The following AXIN2 variants were observed in gnomAD, a reference collection of about 807,000 sequenced individuals.
AXIN2 encodes the protein axin-2.
A neutral mutation model predicts 74.7 loss-of-function variants in AXIN2; 21 were observed. The observed-to-expected ratio is 0.28, with a 90% confidence interval of 0.20 to 0.40. The LOEUF (loss-of-function observed/expected upper bound fraction) is 0.40. Ranked by LOEUF, AXIN2 falls within the 10% of genes least tolerant of loss-of-function variation. The pLI is 1.00. For missense variants in AXIN2, 1,144 were observed against 1,111.1 expected, an observed-to-expected ratio of 1.03 and a Z score of -0.42; for synonymous variants, 532 against 454.9, an observed-to-expected ratio of 1.17 and a Z score of -2.16.
At chr17:65,537,148 G>C (rs1278127566) in intron 6 of AXIN2, 85 bp from the exon 7 acceptor site, 2 of 1,561,410 alleles carry the variant, frequency 1.3e-6, no homozygotes, top group Non-Finnish European at 1.7e-6. Context: ...AGCAAGTCGG[G>C]GGGCTGGTGA....
rs781296066 is a variant in AXIN2 at position 65,536,858 on chromosome 17, G to T, written c.1907+11C>A. 1 of 1,612,776 alleles carries T rather than the reference G, an allele frequency of 6.2e-7. No individual in the cohort carries two copies. Among genetic ancestry groups the T allele is most frequent in the Non-Finnish European group, 8.5e-7 (1 of 1,179,902 alleles). On this transcript the variant is annotated intron_variant, in intron 7 of 10. Coordinates refer to ENST00000307078, the MANE Select transcript of AXIN2 (RefSeq NM_004655.4). ...ACCCTCGCGGCCGCGGCGGCGGCAAGCGGTGTTTACCTATGGGGCTTGGGC... is the reference window on the plus strand; with the variant it reads ...ACCCTCGCGGCCGCGGCGGCGGCAATCGGTGTTTACCTATGGGGCTTGGGC...
chr17:65,549,374 T>C (rs2044159249), intron 3 of AXIN2, 146 bp downstream of exon 3: 1 of 983,024 alleles, frequency 1.0e-6, no homozygotes, highest in Non-Finnish European at 1.6e-6. Context: ...CATACCCTTG[T>C]CATACTCCCC....
In AXIN2 at chr17:65,537,608, C is replaced by G. The variant is rs1285545891; in HGVS notation, c.1428G>C (p.Gln476His). ...SPDHHHHHHS[Q>H]YHSLLPPGGK... ...CACCGGGCGGGAGCAGGGAGTGGTA[C>G]TGCGAATGGTGGTGGTGGTGGTGGT... Residue 476 changes from glutamine to histidine, a missense_variant, in exon 6 of 11, where the codon CAG becomes CAC. Physicochemically the swap from Gln to His is conservative, Grantham distance 24. Around this residue, in one of 4 missense-constraint regions of AXIN2, gnomAD observed 1,053 missense variants for 973.5 expected, o/e 1.08. Transcript: ENST00000307078. The G allele has an allele frequency of 6.2e-7, 1 of 1,601,160 alleles. No individual in the cohort carries two copies. Among genetic ancestry groups the G allele is most frequent in the South Asian group, 1.1e-5 (1 of 90,476 alleles).
At chr17:65,541,612 T>C in intron 3 of AXIN2, 55 bp from the exon 4 acceptor site, 9 of 1,415,642 alleles carry the variant, frequency 6.4e-6, no homozygotes, top group Middle Eastern at 3.5e-4. Context: ...TTTCAGCACA[T>C]CACATGGGCT....
intron 3 of AXIN2, among the ~76,000 whole-genome samples, chr17:65,542,030 G>A (rs1567759752): frequency 6.6e-6 from 1 of 152,084 alleles, no homozygotes; most frequent in African/African-American, 2.4e-5. Context: ...ACCTACAGAG[G>A]GCTAAATCAG....
At chr17:65,536,692 G>A (rs959512418) in intron 7 of AXIN2, 139 bp from the exon 8 acceptor site, 17 of 1,368,216 alleles carry the variant, frequency 1.2e-5, no homozygotes, top group South Asian at 6.0e-5. Flanking sequence ...ATGAACAGGG[G>A]TCAGTGCCAA....
intron 3 of AXIN2, among the ~76,000 whole-genome samples, chr17:65,548,973 G>A (rs1398438855): frequency 3.3e-5 from 5 of 152,114 alleles, no homozygotes; most frequent in East Asian, 1.9e-4. Flanking sequence ...CTGAATAAAC[G>A]ATGTCCATTT....
intron 1 of AXIN2, chr17:65,560,597 C>T (rs958392303): frequency 3.9e-5 from 6 of 152,134 alleles, no homozygotes; most frequent in African/African-American, 1.4e-4. Context: ...GGATAAGTCT[C>T]CTCTCTGGGC....
chr17:65,533,819 CTAGGTCTG>C, intron 10 of AXIN2, 85 bp downstream of exon 10: 1 of 1,276,864 alleles, frequency 7.8e-7, no homozygotes, highest in Non-Finnish European at 1.1e-6. Flanking sequence ...CCTGCCCCAC[CTAGGTCTG>C]CTCAGCCAGG....
At chr17:65,559,228 G>C (rs963748754) in intron 1 of AXIN2, among the ~76,000 whole-genome samples, 29 of 151,946 alleles carry the variant, frequency 1.9e-4, no homozygotes, top group African/African-American at 6.5e-4. Context: ...CAGATAACTC[G>C]AGCTCCAAAC....
intron 3 of AXIN2, among the ~76,000 whole-genome samples, chr17:65,546,621 C>G (rs190254399): frequency 1.1e-4 from 17 of 152,272 alleles, no homozygotes. Context: ...GAGACAGTGA[C>G]CCCACATGGA....
Position 65,528,701 on chromosome 17 carries a change from A to AT in AXIN2, c.*1274dup. ...AGAACAAAATGTCATGACAAAAGTC[A>AT]TTGAGTACAAGACTTGTAATAAAAA... On this transcript the variant is annotated 3_prime_UTR_variant, in exon 11 of 11. Coordinates refer to ENST00000307078, the MANE Select transcript of AXIN2 (RefSeq NM_004655.4). 2.0e-6 allele frequency: 1 copy of AT among 512,158 alleles called. No individual in the cohort carries two copies. Among genetic ancestry groups the AT allele is most frequent in the East Asian group, 4.0e-5 (1 of 25,214 alleles). The allele number at this position is 512,158 out of a possible 1,614,324, so 31.7% of individuals were successfully genotyped here. A position where few individuals can be genotyped will look rare whatever the true frequency, so the allele number is the denominator to read the frequency against.
At chr17:65,549,783 G>A in intron 2 of AXIN2, 123 bp from the exon 3 acceptor site, 16 of 1,284,504 alleles carry the variant, frequency 1.2e-5, no homozygotes, top group Non-Finnish European at 1.7e-5. Context: ...CTGCTGCCCA[G>A]GTCCAGTTGC....
At position 65,537,710 on chromosome 17, in the gene AXIN2, G is replaced by A. The variant is rs1555577987; in HGVS notation, c.1326C>T (p.His442=). Reference sequence around the variant, plus strand: ...CAGGGGTCTTGAGGACCCTGGACAGGTGATCGTCCAGTATCGTCTGCGGGT... The same window carrying A: ...CAGGGGTCTTGAGGACCCTGGACAGATGATCGTCCAGTATCGTCTGCGGGT... The part of the protein sequence containing the change: ...EEDPQTILDD[H]LSRVLKTPGC... The change falls in exon 6 of 11, where the codon CAC becomes CAT. Residue 442 remains histidine (H), a synonymous_variant. Coordinates refer to ENST00000307078, the MANE Select transcript of AXIN2 (RefSeq NM_004655.4). 3.2e-6 allele frequency: 5 copies of A among 1,559,592 alleles called. No individual in the cohort carries two copies. The highest frequency in any genetic ancestry group is 4.3e-6 in the Non-Finnish European group (5 of 1,152,148).
At position 65,537,843 on chromosome 17, in the gene AXIN2, G is replaced by T. The variant is rs1555578172; in HGVS notation, c.1201-8C>A. The T allele has an allele frequency of 1.3e-6, 2 of 1,542,186 alleles. No individual in the cohort carries two copies. The highest frequency in any genetic ancestry group is 1.7e-6 in the Non-Finnish European group (2 of 1,144,610). On this transcript the variant is annotated splice_region_variant and splice_polypyrimidine_tract_variant and intron_variant, in intron 5 of 10. Transcript: ENST00000307078. ...GCCCTCTCTCTCTTCATCCTGAAAGGGAAGACGTCAGAAGGAGAAGTGACC... is the reference window on the plus strand; with the variant it reads ...GCCCTCTCTCTCTTCATCCTGAAAGTGAAGACGTCAGAAGGAGAAGTGACC...
chr17:65,529,820 C>CG lies in AXIN2; in HGVS notation c.*155dup. 1 of 1,215,338 alleles carries CG rather than the reference C, an allele frequency of 8.2e-7. No individual in the cohort carries two copies. The highest frequency in any genetic ancestry group is 1.5e-5 in the African/African-American group (1 of 66,550). The allele number at this position is 1,215,338 out of a possible 1,614,324, so 75.3% of individuals were successfully genotyped here. On this transcript the variant is annotated 3_prime_UTR_variant, in exon 11 of 11. Coordinates refer to ENST00000307078, the MANE Select transcript of AXIN2 (RefSeq NM_004655.4). Reference sequence around the variant, plus strand: ...TGAATCATGAAAATCAACCTCCCCCCGCCCTCCCGAAGGCCCACTGGCCGA... The same window carrying CG: ...TGAATCATGAAAATCAACCTCCCCCCGGCCCTCCCGAAGGCCCACTGGCCGA...
At position 65,558,331 on chromosome 17, in the gene AXIN2, G is replaced by A. The variant is rs1555583566; in HGVS notation, c.290C>T (p.Thr97Ile). Reference protein sequence around the residue: ...GDQDGAYLFRTFLEREKCVDT... With the variant: ...GDQDGAYLFRIFLEREKCVDT... ...CACGCATTTCTCCCTCTCCAGGAAA[G>A]TTCGGAACAGGTAAGCACCGTCTTG... The change falls in exon 2 of 11, where the codon ACT becomes ATT. Residue 97 changes from threonine (T) to isoleucine (I), a missense_variant. Transcript: ENST00000307078. 1 of 1,614,198 alleles carries A rather than the reference G, an allele frequency of 6.2e-7. No homozygotes were observed. Among genetic ancestry groups the A allele is most frequent in the Non-Finnish European group, 8.5e-7 (1 of 1,180,040 alleles).
chr17:65,538,105 C>T lies in AXIN2; in HGVS notation c.1200+98G>A, dbSNP rs760331313. On this transcript the variant is annotated intron_variant, in intron 5 of 10. Transcript: ENST00000307078. ...CACGCGCATGCGCATGCAACCCACG[C>T]ACATGCGCACACCCTAACGCACCCC... 8.2e-6 allele frequency: 13 copies of T among 1,586,842 alleles called. No individual in the cohort carries two copies. In the South Asian group the frequency reaches 1.3e-4, roughly 16 times the overall value.
At chr17:65,542,686 A>T (rs1392204664) in intron 3 of AXIN2, among the ~76,000 whole-genome samples, 1 of 152,184 alleles carries the variant, frequency 6.6e-6, no homozygotes, top group Admixed American at 6.5e-5. Context: ...TTTTTCCAGA[A>T]AGAATTTCCT....
Sources: allele counts gnomAD v4.1 joint callset (sites outside exome capture counted in the v4.1 genomes callset), GRCh38; gene constraint gnomAD v4.1.1; regional missense constraint gnomAD v4.1.1; transcripts MANE v1.5; gene names NCBI Gene and HGNC (gene_info 2026-07-23, HGNC 2026-07-21).